Variants in ARHGAP42 observed in about 807,000 individuals in gnomAD.
ARHGAP42 encodes rho GTPase-activating protein 42.
In ARHGAP42, 63 loss-of-function variants were observed where a neutral mutation model predicts 125.0. The ratio of observed to expected loss-of-function variants is 0.50; its 90% CI spans 0.41 to 0.62. The LOEUF is 0.62. Among genes scored for constraint, ARHGAP42 ranks in the 20% least tolerant of loss-of-function variants. The pLI is 0.00. For synonymous variants in ARHGAP42, 339 were observed against 351.0 expected (o/e 0.97, Z 0.38); for missense variants, 766 against 1,024.2 (o/e 0.75, Z 3.44).
chr11:100,735,953 C>T (rs1463872477), intron 1 of ARHGAP42, among the ~76,000 whole-genome samples: 6 of 152,068 alleles, frequency 3.9e-5, no homozygotes, highest in Non-Finnish European at 8.8e-5. Context: ...CCTATTTGAG[C>T]GGCTATCTTT....
chr11:100,799,869 T>C (rs1863810897), intron 3 of ARHGAP42, among the ~76,000 whole-genome samples: 1 of 152,164 alleles, frequency 6.6e-6, no homozygotes, highest in African/African-American at 2.4e-5. Flanking sequence ...AGAGGGTTGA[T>C]AAAAACGTAG....
chr11:100,826,280 G>A (rs936229141), intron 3 of ARHGAP42, among the ~76,000 whole-genome samples: 7 of 152,098 alleles, frequency 4.6e-5, no homozygotes, highest in Admixed American at 1.3e-4. Flanking sequence ...GCTATTGAAC[G>A]TATATGTTAT....
At chr11:100,785,939 A>C (rs942306616) in intron 2 of ARHGAP42, among the ~76,000 whole-genome samples, 2 of 152,178 alleles carry the variant, frequency 1.3e-5, no homozygotes, top group African/African-American at 4.8e-5. Flanking sequence ...ATCAAAATCA[A>C]ATACCTGCTT....
rs368122394 is a variant in ARHGAP42, at chr11:100,992,671, C to A, written c.*3870C>A. On this transcript the variant is annotated 3_prime_UTR_variant, in exon 24 of 24. Coordinates refer to ENST00000298815, the MANE Select transcript of ARHGAP42 (RefSeq NM_152432.4). ...ATGTGCCAGTTCCACTTGGTAATAA[C>A]GTTGGGAAAATGCAGGTTTATGAAT... The A allele has an allele frequency of 1.7e-5, 27 of 1,598,536 alleles. No individual in the cohort carries two copies. Among genetic ancestry groups the A allele is most frequent in the African/African-American group, 8.1e-5 (6 of 74,308 alleles).
chr11:100,800,582 T>C (rs1434946032), intron 3 of ARHGAP42, among the ~76,000 whole-genome samples: 1 of 152,182 alleles, frequency 6.6e-6, no homozygotes, highest in African/African-American at 2.4e-5. Flanking sequence ...GAGTATCTTA[T>C]AAGCCATGGA....
intron 2 of ARHGAP42, among the ~76,000 whole-genome samples, chr11:100,790,403 A>T (rs662449): frequency 0.5 from 76,059 of 151,910 alleles, 19,867 homozygotes; most frequent in South Asian, 0.63. Context: ...AAAGGAAACC[A>T]ATGGTAATGT....
intron 1 of ARHGAP42, among the ~76,000 whole-genome samples, chr11:100,710,568 C>G (rs1036400090): frequency 4.5e-5 from 4 of 89,772 alleles, no homozygotes; most frequent in African/African-American, 2.4e-4. Context: ...GAGACAGAGT[C>G]TCGCTCTGTC....
At chr11:100,845,311 G>T (rs1332993473) in intron 3 of ARHGAP42, among the ~76,000 whole-genome samples, 1 of 152,040 alleles carries the variant, frequency 6.6e-6, no homozygotes, top group Admixed American at 6.6e-5. Context: ...AGGATGCGAA[G>T]GCATGAGAAT....
chr11:100,855,769 A>G (rs1184495820), intron 3 of ARHGAP42, among the ~76,000 whole-genome samples: 5 of 152,128 alleles, frequency 3.3e-5, no homozygotes, highest in African/African-American at 1.2e-4. Context: ...TAAATGCTAT[A>G]TTGTAAAGTA....
intron 22 of ARHGAP42, among the ~76,000 whole-genome samples, chr11:100,983,679 T>A (rs1858600102): frequency 6.6e-6 from 1 of 152,198 alleles, no homozygotes; most frequent in Non-Finnish European, 1.5e-5. Context: ...TCTTTTTCAA[T>A]GGAATTGCAA....
chr11:100,690,871 A>G (rs942222792), intron 1 of ARHGAP42, among the ~76,000 whole-genome samples: 28 of 152,132 alleles, frequency 1.8e-4, no homozygotes, highest in African/African-American at 6.8e-4. Context: ...AAGTGCTGGT[A>G]TTACAGGTGT....
intron 7 of ARHGAP42, among the ~76,000 whole-genome samples, chr11:100,935,847 C>T (rs907351206): frequency 1.3e-5 from 2 of 152,138 alleles, no homozygotes; most frequent in Non-Finnish European, 2.9e-5. Context: ...AGTTTTGAAA[C>T]ATTTTTCTGG....
intron 3 of ARHGAP42, among the ~76,000 whole-genome samples, chr11:100,815,641 T>C (rs1864250134): frequency 6.6e-6 from 1 of 152,224 alleles, no homozygotes; most frequent in African/African-American, 2.4e-5. Context: ...TTTGTTTTTC[T>C]GTAGTTGTAG....
chr11:100,952,928 C>T (rs186034149), intron 12 of ARHGAP42, among the ~76,000 whole-genome samples: 14 of 151,980 alleles, frequency 9.2e-5, no homozygotes, highest in Middle Eastern at 3.4e-3. Flanking sequence ...AGAGATGGGG[C>T]CTCACCATGT....
rs1866562143 is a variant in ARHGAP42 at position 100,901,862 on chromosome 11, G to T, written c.385-11590G>T. On this transcript the variant is annotated intron_variant, in intron 4 of 23. Transcript: ENST00000298815. ...GGAAAGGGAAATCCCCTGGCCCCTT[G>T]AGCTTCCCAGGTGAGGCAATGCCCT... Among the ~76,000 whole-genome samples, 3 of 152,168 alleles carry T rather than the reference G, an allele frequency of 2.0e-5. No homozygotes were observed. The South Asian group carries it at 6.2e-4, about 32-fold the overall frequency.
At chr11:100,850,572 A>C (rs1468252815) in intron 3 of ARHGAP42, among the ~76,000 whole-genome samples, 1 of 152,190 alleles carries the variant, frequency 6.6e-6, no homozygotes, top group African/African-American at 2.4e-5. Context: ...TTATTCAAAA[A>C]ACACCTATAT....
At chr11:100,798,805 C>A (rs1863784652) in intron 3 of ARHGAP42, among the ~76,000 whole-genome samples, 1 of 152,114 alleles carries the variant, frequency 6.6e-6, no homozygotes, top group Admixed American at 6.5e-5. Context: ...GGACTGAATC[C>A]TCTGGGACTG....
At chr11:100,850,994 G>A (rs1170279328) in intron 3 of ARHGAP42, among the ~76,000 whole-genome samples, 4 of 146,000 alleles carry the variant, frequency 2.7e-5, no homozygotes, top group East Asian at 4.1e-4. Flanking sequence ...TGATTCTTAT[G>A]CCTCAGTCTC....
At chr11:100,941,490 T>C (rs534527010) in intron 8 of ARHGAP42, among the ~76,000 whole-genome samples, 1 of 152,252 alleles carries the variant, frequency 6.6e-6, no homozygotes, top group African/African-American at 2.4e-5. Flanking sequence ...CCTACCTCTA[T>C]GGAGTACAAG....
Sources: allele counts gnomAD v4.1 joint callset (sites outside exome capture counted in the v4.1 genomes callset), GRCh38; gene constraint gnomAD v4.1.1; transcripts MANE v1.5; gene names NCBI Gene and HGNC (gene_info 2026-07-23, HGNC 2026-07-21).